Variants in EMB observed in about 807,000 individuals in gnomAD.
The protein encoded by EMB is embigin homolog.
In EMB, 31 loss-of-function variants were observed where a neutral mutation model predicts 41.4. The ratio of observed to expected loss-of-function variants is 0.75; its 90% CI spans 0.56 to 1.01. The LOEUF (loss-of-function observed/expected upper bound fraction) is 1.01. Ranked by LOEUF, EMB falls within the 50% of genes least tolerant of loss-of-function variation. EMB has a pLI of 0.00. For missense variants in EMB, 379 were observed against 388.3 expected (o/e 0.98, Z 0.20); for synonymous variants, 137 against 140.4 (o/e 0.98, Z 0.17).
intron 5 of EMB, among the ~76,000 whole-genome samples, chr5:50,403,969 G>A (rs192263487): frequency 1.3e-4 from 20 of 152,012 alleles, no homozygotes; most frequent in Non-Finnish European, 2.9e-4. Context: ...GATGTAGATA[G>A]AATGGAGGGG....
At chr5:50,400,074 T>C (rs900630747) in intron 7 of EMB, among the ~76,000 whole-genome samples, 161 bp from the exon 8 acceptor site, 3 of 152,076 alleles carry the variant, frequency 2.0e-5, no homozygotes, top group African/African-American at 4.8e-5. Context: ...ATTTATTTTA[T>C]GGCATTGCTT....
chr5:50,399,785 GTAAC>G lies in EMB; in HGVS notation c.966+70_966+73del, dbSNP rs377181914. The G allele has an allele frequency of 2.9e-4, 354 of 1,223,890 alleles. 3 individuals carry two copies. In the East Asian group the frequency reaches 5.7e-3, roughly 20 times the overall value. The allele number at this position is 1,223,890 out of a possible 1,614,324, so 75.8% of individuals were successfully genotyped here. A position where few individuals can be genotyped will look rare whatever the true frequency, so the allele number is the denominator to read the frequency against. On this transcript the variant is annotated intron_variant, in intron 8 of 8. Coordinates refer to ENST00000303221, the MANE Select transcript of EMB (RefSeq NM_198449.3). Reference sequence around the variant, plus strand: ...AGATCTTTTATGGAACTAAAAAAAAGTAACTGATTGATAGATAGCCTATGTATAT... The same window carrying G: ...AGATCTTTTATGGAACTAAAAAAAAGTGATTGATAGATAGCCTATGTATAT...
chr5:50,399,300 A>C lies in EMB; in HGVS notation c.967-10T>G, dbSNP rs1266415912. The C allele has an allele frequency of 6.2e-7, 1 of 1,607,412 alleles. No homozygotes were observed. Among genetic ancestry groups the C allele is most frequent in the South Asian group, 1.1e-5 (1 of 90,134 alleles). ...ACTGGCCCAGAGACTCCTGAGTTAAATAAAGCATAATCAAATATAATTAGT... is the reference window on the plus strand; with the variant it reads ...ACTGGCCCAGAGACTCCTGAGTTAACTAAAGCATAATCAAATATAATTAGT... On this transcript the variant is annotated splice_polypyrimidine_tract_variant and intron_variant, in intron 8 of 8. Transcript: ENST00000303221.
intron 2 of EMB, among the ~76,000 whole-genome samples, chr5:50,414,381 G>A (rs1745394139): frequency 6.6e-6 from 1 of 151,440 alleles, no homozygotes; most frequent in Admixed American, 6.6e-5. Flanking sequence ...GAAAAAATTA[G>A]CCAGGCTTGG....
chr5:50,427,778 C>T (rs958570618), intron 2 of EMB, among the ~76,000 whole-genome samples: 8 of 152,136 alleles, frequency 5.3e-5, no homozygotes, highest in African/African-American at 1.9e-4. Flanking sequence ...ATTTCTCTGG[C>T]TAAAGGTTTT....
At chr5:50,401,260 A>G (rs989622073) in intron 7 of EMB, among the ~76,000 whole-genome samples, 4 of 151,960 alleles carry the variant, frequency 2.6e-5, no homozygotes, top group Non-Finnish European at 4.4e-5. Context: ...CTCATATCAT[A>G]TTGGTTTATT....
intron 7 of EMB, among the ~76,000 whole-genome samples, chr5:50,401,705 T>G (rs1473008325): frequency 6.6e-6 from 1 of 152,000 alleles, no homozygotes. Context: ...GCACAATTTG[T>G]GTTCTCTGAA....
chr5:50,435,847 A>G (rs954427967), intron 1 of EMB, among the ~76,000 whole-genome samples: 9 of 152,126 alleles, frequency 5.9e-5, no homozygotes, highest in Non-Finnish European at 1.0e-4. Flanking sequence ...CACTAATATT[A>G]TTATTTATTT....
chr5:50,403,010 T>C (rs2111770430), intron 6 of EMB, among the ~76,000 whole-genome samples, 168 bp downstream of exon 6: 1 of 151,592 alleles, frequency 6.6e-6, no homozygotes. Flanking sequence ...CTGTCACCAT[T>C]GTTGTAAACC....
chr5:50,435,230 C>T (rs547085502), intron 1 of EMB, among the ~76,000 whole-genome samples: 49 of 152,176 alleles, frequency 3.2e-4, no homozygotes, highest in Non-Finnish European at 6.2e-4. Context: ...CCTGATGCTT[C>T]ATGCCCCACT....
At position 50,435,590 on chromosome 5, in the gene EMB, C is replaced by A. The variant is rs1212853256; in HGVS notation, c.112+5450G>T. Among the ~76,000 whole-genome samples, 3 of 152,270 alleles carry A rather than the reference C, an allele frequency of 2.0e-5. No individual in the cohort carries two copies. In the East Asian group the frequency reaches 5.8e-4, roughly 29 times the overall value. On this transcript the variant is annotated intron_variant, in intron 1 of 8. Transcript: ENST00000303221. ...GGAAGATCATAGAAGTGATGCTGTG[C>A]TCTTCTCACCAGATCGTCTCAGATG... is the stretch of plus-strand genomic sequence containing the variant.
Position 50,399,280 on chromosome 5 carries a change from C to T in EMB, c.977G>A (p.Gly326Asp), listed in dbSNP as rs1745120169. The T allele has an allele frequency of 1.9e-6, 3 of 1,607,688 alleles. No individual in the cohort carries two copies. Among genetic ancestry groups the T allele is most frequent in the East Asian group, 4.5e-5 (2 of 44,668 alleles). The change falls in exon 9 of 9, where the codon GGC (glycine) becomes GAC (aspartate). Residue 326 changes from glycine (G) to aspartate (D), a missense_variant. Coordinates refer to ENST00000303221, the MANE Select transcript of EMB (RefSeq NM_198449.3). ...CGACATGATGTTTTGTATTCACTGGCCCAGAGACTCCTGAGTTAAATAAAG... is the reference window on the plus strand; with the variant it reads ...CGACATGATGTTTTGTATTCACTGGTCCAGAGACTCCTGAGTTAAATAAAG... ...VPRHRKNESLGQ is the reference protein window; with the variant it reads ...VPRHRKNESLDQ
chr5:50,425,259 T>TTGCACATC (rs1745590821), intron 2 of EMB, among the ~76,000 whole-genome samples: 1 of 152,090 alleles, frequency 6.6e-6, no homozygotes, highest in Admixed American at 6.6e-5. Flanking sequence ...GTGCCTTAAT[T>TTGCACATC]TGCACATCTG....
chr5:50,409,031 AC>A (rs1480493751), intron 4 of EMB, among the ~76,000 whole-genome samples: 1 of 152,084 alleles, frequency 6.6e-6, no homozygotes, highest in Non-Finnish European at 1.5e-5. Context: ...GCTAACCTAA[AC>A]TGCTTCAAGA....
rs542577918 is a variant in EMB at position 50,399,919 on chromosome 5, C to T, written c.912-6G>A. On this transcript the variant is annotated splice_region_variant and splice_polypyrimidine_tract_variant and intron_variant, in intron 7 of 8. Transcript: ENST00000303221. ...CATTGCTATCATCTGATTTCCTGCA[C>T]AGAAAACAAAAAAGAAAATTACTAA... 6.3e-7 allele frequency: 1 copy of T among 1,597,816 alleles called. No individual in the cohort carries two copies. The highest frequency in any genetic ancestry group is 2.3e-5 in the East Asian group (1 of 44,398).
intron 1 of EMB, among the ~76,000 whole-genome samples, chr5:50,430,788 G>A (rs769156898): frequency 1.1e-4 from 17 of 152,284 alleles, no homozygotes; most frequent in Non-Finnish European, 2.4e-4. Flanking sequence ...TGGAAGAAGG[G>A]TGAAGATAAT....
intron 2 of EMB, among the ~76,000 whole-genome samples, chr5:50,413,512 A>G (rs1561134258): frequency 6.6e-6 from 1 of 152,212 alleles, no homozygotes; most frequent in Non-Finnish European, 1.5e-5. Flanking sequence ...ATTTCATGAA[A>G]GTAATCAACA....
intron 8 of EMB, 133 bp downstream of exon 8, chr5:50,399,726 T>G: frequency 1.4e-6 from 1 of 703,860 alleles, no homozygotes; most frequent in East Asian, 2.8e-5. Flanking sequence ...TATAATAGTG[T>G]TAACAAGCAT....
chr5:50,429,196 C>G (rs908204552), intron 1 of EMB, among the ~76,000 whole-genome samples: 1 of 152,166 alleles, frequency 6.6e-6, no homozygotes, highest in African/African-American at 2.4e-5. Flanking sequence ...ACCTGGCCAA[C>G]AACATGGCCT....
Sources: allele counts gnomAD v4.1 joint callset (sites outside exome capture counted in the v4.1 genomes callset), GRCh38; gene constraint gnomAD v4.1.1; transcripts MANE v1.5; gene names NCBI Gene and HGNC (gene_info 2026-07-23, HGNC 2026-07-21).